Variants in KLF12 observed in about 807,000 individuals in gnomAD.
The protein encoded by KLF12 is KLF transcription factor 12.
A neutral mutation model predicts 37.8 loss-of-function variants in KLF12; 9 were observed. The observed-to-expected ratio is 0.24, with a 90% CI of 0.14 to 0.42. The LOEUF (loss-of-function observed/expected upper bound fraction) is 0.42. KLF12 is among the 10% of genes least tolerant of loss of function. The pLI is 1.00. For synonymous variants in KLF12, 208 were observed against 202.1 expected (o/e 1.03, Z -0.25); for missense variants, 411 against 516.0 (o/e 0.80, Z 1.97).
the KLF12 span, among the ~76,000 whole-genome samples, chr13:74,150,864 G>A: frequency 3.3e-5 from 5 of 152,078 alleles, no homozygotes. Flanking sequence ...CAGGCCAGAA[G>A]GTGCAAGATT....
At chr13:73,836,466 T>C (rs1235295393) in intron 4 of KLF12, among the ~76,000 whole-genome samples, 1 of 152,202 alleles carries the variant, frequency 6.6e-6, no homozygotes, top group African/African-American at 2.4e-5. Flanking sequence ...TCTCATATTC[T>C]TCCTTCTTTC....
chr13:73,997,458 C>T (rs12385855), intron 1 of KLF12, among the ~76,000 whole-genome samples: 11,155 of 152,112 alleles, frequency 0.073, 610 homozygotes, highest in African/African-American at 0.16. Context: ...GCCTAGATAT[C>T]GAATAGGAAA....
intron 3 of KLF12, among the ~76,000 whole-genome samples, chr13:73,861,935 T>C (rs1292731931): frequency 1.3e-5 from 2 of 152,164 alleles, no homozygotes; most frequent in East Asian, 3.9e-4. Flanking sequence ...AAGTGTTTAT[T>C]ACCTATATAT....
At chr13:73,954,634 G>A (rs1178200424) in intron 2 of KLF12, among the ~76,000 whole-genome samples, 1 of 152,110 alleles carries the variant, frequency 6.6e-6, no homozygotes, top group Non-Finnish European at 1.5e-5. Flanking sequence ...AACAAGAATG[G>A]CCATGCCTTT....
intron 5 of KLF12, among the ~76,000 whole-genome samples, chr13:73,804,745 A>T (rs984836853): frequency 3.9e-5 from 6 of 152,202 alleles, no homozygotes; most frequent in Admixed American, 6.5e-5. Context: ...CAGCAGCACC[A>T]CAACAGGCAT....
At chr13:74,095,277 C>A (rs574625244) in intron 1 of KLF12, among the ~76,000 whole-genome samples, 1 of 152,062 alleles carries the variant, frequency 6.6e-6, no homozygotes, top group South Asian at 2.1e-4. Flanking sequence ...AAGTTTATAG[C>A]AATATAATTA....
At chr13:73,785,689 C>T (rs1364952559) in intron 5 of KLF12, among the ~76,000 whole-genome samples, 4 of 151,670 alleles carry the variant, frequency 2.6e-5, no homozygotes, top group Non-Finnish European at 4.4e-5. Context: ...CTCTCTCATT[C>T]TTTATAGTCA....
At chr13:73,734,786 C>T (rs545543448) in intron 6 of KLF12, among the ~76,000 whole-genome samples, 23 of 152,038 alleles carry the variant, frequency 1.5e-4, no homozygotes, top group African/African-American at 2.7e-4. Flanking sequence ...AAAATTATAT[C>T]GAGTGTTTTC....
chr13:74,234,631 C>T, the KLF12 span, among the ~76,000 whole-genome samples: 1 of 152,204 alleles, frequency 6.6e-6, no homozygotes, highest in East Asian at 1.9e-4. Flanking sequence ...AAGGAAAAGT[C>T]ATTATGCAAG....
the KLF12 span, among the ~76,000 whole-genome samples, chr13:74,218,240 G>A: frequency 6.6e-6 from 1 of 152,116 alleles, no homozygotes; most frequent in Non-Finnish European, 1.5e-5. Flanking sequence ...ATCTCTTGAG[G>A]TTTTATTATT....
chr13:74,252,973 A>T, the KLF12 span, among the ~76,000 whole-genome samples: 1 of 122,870 alleles, frequency 8.1e-6, no homozygotes, highest in Non-Finnish European at 1.7e-5. Flanking sequence ...TCTATCTGTC[A>T]TCTGTCTATC....
intron 1 of KLF12, among the ~76,000 whole-genome samples, chr13:74,050,909 G>A (rs796383048): frequency 1.6e-4 from 24 of 152,246 alleles, no homozygotes; most frequent in African/African-American, 5.1e-4. Flanking sequence ...CTCAAAAGAC[G>A]TAGAAATGGC....
At chr13:74,263,358 G>A in the KLF12 span, among the ~76,000 whole-genome samples, 1 of 152,276 alleles carries the variant, frequency 6.6e-6, no homozygotes, top group East Asian at 1.9e-4. Flanking sequence ...GCTATTGTAT[G>A]CAGCAAGAGA....
chr13:73,883,436 G>A (rs1032273376), intron 3 of KLF12, among the ~76,000 whole-genome samples: 27 of 152,178 alleles, frequency 1.8e-4, no homozygotes, highest in African/African-American at 6.3e-4. Context: ...AATCAAGGTA[G>A]CACGTGGTTA....
At chr13:73,870,519 A>T (rs1886410373) in intron 3 of KLF12, among the ~76,000 whole-genome samples, 1 of 152,214 alleles carries the variant, frequency 6.6e-6, no homozygotes. Context: ...AAAGTACTTA[A>T]AGGTAACTGC....
chr13:74,114,560 A>G (rs1877173913), intron 1 of KLF12, among the ~76,000 whole-genome samples: 1 of 152,090 alleles, frequency 6.6e-6, no homozygotes, highest in Admixed American at 6.5e-5. Flanking sequence ...CTAAGCTGCC[A>G]AAGAGATTGA....
At chr13:73,914,569 G>A (rs1377937447) in intron 3 of KLF12, among the ~76,000 whole-genome samples, 2 of 152,198 alleles carry the variant, frequency 1.3e-5, no homozygotes, top group Non-Finnish European at 2.9e-5. Context: ...ATCAGTATGA[G>A]TTGCACGGGT....
chr13:74,273,676 G>T, the KLF12 span, among the ~76,000 whole-genome samples: 2 of 152,024 alleles, frequency 1.3e-5, no homozygotes, highest in African/African-American at 4.8e-5. Context: ...TGTTTCTACT[G>T]TAACTGAGAA....
Position 73,815,867 on chromosome 13 carries a change from G to T in KLF12, c.671-2580C>A, listed in dbSNP as rs17071082. Among the ~76,000 whole-genome samples, 819 of 152,282 alleles carry T rather than the reference G, an allele frequency of 5.4e-3. 4 individuals carry two copies. Among genetic ancestry groups the T allele is most frequent in the African/African-American group, 0.019 (792 of 41,556 alleles). On this transcript the variant is annotated intron_variant, in intron 4 of 7. Coordinates refer to ENST00000377669, the MANE Select transcript of KLF12 (RefSeq NM_007249.5). ...AAAGTTAAAGTCTAATTGTATGAAA[G>T]ATTCCAAAACCTTGTGTGAGAGTTG...
Sources: gnomAD v4.1 joint callset for allele counts (sites outside exome capture counted in the v4.1 genomes callset) on GRCh38, gnomAD v4.1.1 for gene constraint, MANE v1.5 for transcripts, NCBI Gene and HGNC (gene_info 2026-07-23, HGNC 2026-07-21) for gene names.